Variants in TBC1D1 observed in about 807,000 individuals in gnomAD.
TBC1D1 encodes TBC1 (tre-2/USP6, BUB2, cdc16) domain family, member 1.
TBC1D1 carries 89 observed loss-of-function variants against 125.6 expected under a neutral mutation model. That is an observed-to-expected ratio of 0.71 (90% confidence interval 0.60 to 0.85). The LOEUF is 0.85. Among genes scored for constraint, TBC1D1 ranks in the 40% least tolerant of loss-of-function variants. The pLI, the probability that TBC1D1 is intolerant of heterozygous loss-of-function variation, is 0.00. For missense variants in TBC1D1, 1,377 were observed against 1,469.2 expected (o/e 0.94, Z 1.03); for synonymous variants, 565 against 564.1 (o/e 1.00, Z -0.02).
Position 37,974,757 on chromosome 4 carries a change from C to T in TBC1D1, c.418-39752C>T, listed in dbSNP as rs189586623. Reference sequence around the variant, plus strand: ...TATTTTTAGTAGAGACGAGGTTTCGCCATGGTGGCCAGGGTGGTCTTGAAC... The same window carrying T: ...TATTTTTAGTAGAGACGAGGTTTCGTCATGGTGGCCAGGGTGGTCTTGAAC... On this transcript the variant is annotated intron_variant, in intron 2 of 19. Coordinates refer to ENST00000261439, the MANE Select transcript of TBC1D1 (RefSeq NM_015173.4). Among the ~76,000 whole-genome samples the T allele has an allele frequency of 4.7e-3, 716 of 152,186 alleles. 4 individuals are homozygous for T. Among genetic ancestry groups the T allele is most frequent in the African/African-American group, 0.017 (689 of 41,516 alleles).
chr4:38,071,316 A>T lies in TBC1D1; in HGVS notation c.2050+16978A>T, dbSNP rs559743758. On this transcript the variant is annotated intron_variant, in intron 12 of 19. Coordinates refer to ENST00000261439, the MANE Select transcript of TBC1D1 (RefSeq NM_015173.4). Reference sequence around the variant, plus strand: ...GTTGCCTAATGCTTGTTGAGAGTCTACATTTCTCTAGATCTAGCAGAAGTA... The same window carrying T: ...GTTGCCTAATGCTTGTTGAGAGTCTTCATTTCTCTAGATCTAGCAGAAGTA... Among the ~76,000 whole-genome samples the T allele has an allele frequency of 1.2e-3, 178 of 152,296 alleles. 2 individuals are homozygous for T. Among genetic ancestry groups the T allele is most frequent in the Non-Finnish European group, 5.3e-4 (36 of 68,014 alleles).
chr4:38,101,163 CAGAGCAGAAACTT>C (rs1760255705), intron 14 of TBC1D1, among the ~76,000 whole-genome samples: 1 of 152,188 alleles, frequency 6.6e-6, no homozygotes, highest in Non-Finnish European at 1.5e-5. Context: ...TGCTACCTGC[CAGAGCAGAAACTT>C]TTCCCAAAGG....
At chr4:38,131,265 G>A (rs575583553) in intron 18 of TBC1D1, among the ~76,000 whole-genome samples, 2 of 152,260 alleles carry the variant, frequency 1.3e-5, no homozygotes, top group Admixed American at 1.3e-4. Context: ...AGGCTTTCCA[G>A]GTTAGGAGAT....
chr4:37,909,706 C>T (rs1271383543), intron 2 of TBC1D1, among the ~76,000 whole-genome samples: 2 of 152,200 alleles, frequency 1.3e-5, no homozygotes, highest in African/African-American at 4.8e-5. Flanking sequence ...TCTTTTGCTA[C>T]ACAGGTAATG....
intron 2 of TBC1D1, among the ~76,000 whole-genome samples, chr4:37,962,387 A>G (rs1375125563): frequency 1.3e-5 from 2 of 152,256 alleles, no homozygotes; most frequent in African/African-American, 4.8e-5. Context: ...ATGGCAAGAC[A>G]GGAAGTATTA....
chr4:37,903,242 T>A (rs1466156655), intron 2 of TBC1D1, among the ~76,000 whole-genome samples: 1 of 152,226 alleles, frequency 6.6e-6, no homozygotes, highest in Non-Finnish European at 1.5e-5. Context: ...AAAGTTCTGC[T>A]CTTTCCTCGT....
intron 12 of TBC1D1, among the ~76,000 whole-genome samples, chr4:38,084,208 A>G (rs1757085734): frequency 6.6e-6 from 1 of 152,224 alleles, no homozygotes; most frequent in Non-Finnish European, 1.5e-5. Flanking sequence ...TGCTGGGATT[A>G]CAGGTGTGAG....
At chr4:38,022,503 G>C (rs1368179915) in intron 6 of TBC1D1, among the ~76,000 whole-genome samples, 1 of 152,188 alleles carries the variant, frequency 6.6e-6, no homozygotes, top group Non-Finnish European at 1.5e-5. Flanking sequence ...CCATTTCCAG[G>C]AGAAGGCCAT....
At chr4:37,913,873 G>A (rs1280647485) in intron 2 of TBC1D1, among the ~76,000 whole-genome samples, 1 of 151,780 alleles carries the variant, frequency 6.6e-6, no homozygotes, top group African/African-American at 2.4e-5. Flanking sequence ...GAGCCACCTA[G>A]AGCTTGTGAG....
At chr4:37,943,712 T>C (rs1354620250) in intron 2 of TBC1D1, among the ~76,000 whole-genome samples, 3 of 152,354 alleles carry the variant, frequency 2.0e-5, no homozygotes, top group African/African-American at 7.2e-5. Context: ...TTCTCTACAC[T>C]GGTTATTCTA....
In TBC1D1 at chr4:38,133,305, G is replaced by T. The variant is rs1765914693; in HGVS notation, c.3306+48G>T. The stretch of plus-strand genomic sequence containing the variant: ...CTTCCTGAATCACAAATATATGGTA[G>T]TTCATTAACTCACCAAAGGCAACAG... On this transcript the variant is annotated intron_variant, in intron 19 of 19. Transcript: ENST00000261439. 1.9e-6 allele frequency: 3 copies of T among 1,556,658 alleles called. No individual in the cohort carries two copies. The East Asian group carries it at 6.8e-5, about 35-fold the overall frequency.
chr4:38,065,644 CT>C (rs11447003), intron 12 of TBC1D1, among the ~76,000 whole-genome samples: 142 of 119,636 alleles, frequency 1.2e-3, no homozygotes, highest in Middle Eastern at 8.8e-3. Context: ...GTATTACCGC[CT>C]TTTTTTTTTT....
intron 12 of TBC1D1, among the ~76,000 whole-genome samples, chr4:38,081,896 G>C (rs533575507): frequency 6.6e-6 from 1 of 152,134 alleles, no homozygotes; most frequent in African/African-American, 2.4e-5. Flanking sequence ...CAAGGCATTA[G>C]GATGAGCCAG....
At chr4:38,004,451 A>C (rs1242019239) in intron 2 of TBC1D1, among the ~76,000 whole-genome samples, 1 of 152,214 alleles carries the variant, frequency 6.6e-6, no homozygotes, top group Non-Finnish European at 1.5e-5. Flanking sequence ...ATTTACCAAA[A>C]TGCTTTATTA....
At chr4:38,098,694 A>G (rs987228451) in intron 14 of TBC1D1, among the ~76,000 whole-genome samples, 11 of 152,204 alleles carry the variant, frequency 7.2e-5, no homozygotes, top group Non-Finnish European at 1.3e-4. Flanking sequence ...AGGGCGGTCT[A>G]TTTTGTGGTT....
At chr4:38,046,827 G>T (rs536212489) in intron 10 of TBC1D1, among the ~76,000 whole-genome samples, 131 of 152,256 alleles carry the variant, frequency 8.6e-4, no homozygotes, top group African/African-American at 3.0e-3. Context: ...TGAAAAGTGG[G>T]TTTGGGTTTT....
In TBC1D1 at chr4:37,916,166, T is replaced by TCC. The variant is rs563920580; in HGVS notation, c.417+13656_417+13657dup. 1.8e-4 allele frequency among the ~76,000 whole-genome samples: 28 copies of TCC among 152,308 alleles called. 2 individuals are homozygous for TCC. In the South Asian group the frequency reaches 3.9e-3, roughly 21 times the overall value. On this transcript the variant is annotated intron_variant, in intron 2 of 19. Coordinates refer to ENST00000261439, the MANE Select transcript of TBC1D1 (RefSeq NM_015173.4). Reference sequence around the variant, plus strand: ...GTTAGAGGCACAAGTTTCCCCTGACTCCCATCTCCTAGAGGGAAACCAACA... The same window carrying TCC: ...GTTAGAGGCACAAGTTTCCCCTGACTCCCCCATCTCCTAGAGGGAAACCAACA...
intron 19 of TBC1D1, among the ~76,000 whole-genome samples, chr4:38,136,849 G>T (rs1305162323): frequency 6.6e-6 from 1 of 152,168 alleles, no homozygotes; most frequent in African/African-American, 2.4e-5. Context: ...TGGGGGTTTG[G>T]GTTCCCTCTG....
chr4:38,055,141 G>C (rs1404102318), intron 12 of TBC1D1: 1 of 152,118 alleles, frequency 6.6e-6, no homozygotes, highest in Non-Finnish European at 1.5e-5. Context: ...GCCCTTCCTT[G>C]GTGCCCGCTG....
Sources: gnomAD v4.1 joint callset for allele counts (sites outside exome capture counted in the v4.1 genomes callset) on GRCh38, gnomAD v4.1.1 for gene constraint, MANE v1.5 for transcripts, NCBI Gene and HGNC (gene_info 2026-07-23, HGNC 2026-07-21) for gene names.